Variants in BRCA1 observed in about 807,000 individuals in gnomAD.
The protein encoded by BRCA1 is breast cancer type 1 susceptibility protein.
BRCA1 carries 140 observed loss-of-function variants against 173.7 expected under a neutral mutation model. The ratio of observed to expected loss-of-function variants is 0.81; its 90% CI spans 0.70 to 0.93. The LOEUF is 0.93. BRCA1 is among the 40% of genes least tolerant of loss of function. The pLI, the probability that BRCA1 is intolerant of heterozygous loss-of-function variation, is 0.00. For missense variants in BRCA1, 1,983 were observed against 2,172.5 expected (o/e 0.91, Z 1.73); for synonymous variants, 662 against 756.0 (o/e 0.88, Z 2.04).
At position 43,093,007 on chromosome 17, in the gene BRCA1, C is replaced by A. The variant is rs876658552; in HGVS notation, c.2524G>T (p.Glu842Ter). ...CTTTCTTCCATTTCTATGCTTGTTT[C>A]CCGACTGTGGTTAACTTCATGTCCC... ...PLGHEVNHSR[E>*]TSIEMEESEL... Residue 842 changes from glutamate to a stop codon, truncating the protein, a stop_gained, in exon 10 of 23, where the codon GAA (glutamate) becomes TAA (stop). Transcript: ENST00000357654. LOFTEE classifies it high-confidence loss of function. 6.2e-7 allele frequency: 1 copy of A among 1,613,810 alleles called. No homozygotes were observed. The highest frequency in any genetic ancestry group is 1.3e-5 in the African/African-American group (1 of 75,048).
chr17:43,079,347 T>C (rs2052892864), intron 12 of BRCA1: 1 of 1,596,400 alleles, frequency 6.3e-7, no homozygotes, highest in Admixed American at 1.7e-5. Context: ...ATATATGTTC[T>C]CTAGGCCTTT....
intron 1 of BRCA1, among the ~76,000 whole-genome samples, chr17:43,152,928 G>A (rs181666206): frequency 2.2e-3 from 330 of 152,120 alleles, no homozygotes; most frequent in Middle Eastern, 0.014. Flanking sequence ...CCAGCTACTC[G>A]AGAGGCTGAG....
At chr17:43,098,166 A>C (rs1384870240) in intron 7 of BRCA1, among the ~76,000 whole-genome samples, 1 of 151,690 alleles carries the variant, frequency 6.6e-6, no homozygotes, top group Admixed American at 6.6e-5. Context: ...CTGGGACTAC[A>C]GATGCACACC....
At chr17:43,152,041 T>C (rs772604449) in intron 1 of BRCA1, among the ~76,000 whole-genome samples, 4 of 152,204 alleles carry the variant, frequency 2.6e-5, no homozygotes, top group Non-Finnish European at 5.9e-5. Context: ...TCTCCCCAGG[T>C]AGAAACTGGT....
intron 1 of BRCA1, chr17:43,170,039 G>A (rs933896697): frequency 2.1e-5 from 9 of 430,336 alleles, no homozygotes; most frequent in African/African-American, 1.8e-4. Flanking sequence ...GCAGAATGAG[G>A]GCAGAGTAGA....
upstream of BRCA1, among the ~76,000 whole-genome samples, chr17:43,128,018 C>A: frequency 9.8e-6 from 1 of 101,700 alleles, no homozygotes. Context: ...AGGGAGACTC[C>A]ATCTCAAAAA....
intron 4 of BRCA1, among the ~76,000 whole-genome samples, chr17:43,105,838 G>C (rs2054736952): frequency 6.6e-6 from 1 of 152,074 alleles, no homozygotes; most frequent in South Asian, 2.1e-4. Flanking sequence ...CATTGTGTTT[G>C]TGTAAATAAT....
At chr17:43,130,548 A>G (rs1418775597) in intron 1 of BRCA1, among the ~76,000 whole-genome samples, 2 of 152,162 alleles carry the variant, frequency 1.3e-5, no homozygotes, top group Admixed American at 6.5e-5. Flanking sequence ...TCCTGGACTC[A>G]AGCGATCTGC....
rs1296918233 is a variant in BRCA1, at chr17:43,050,957, C to T, written c.5332+106G>A. On this transcript the variant is annotated intron_variant, in intron 20 of 22. Transcript: ENST00000357654. ...TAGAGAAATAGAATAGCCTCTAGAA[C>T]ATTTCAGCAATCTGAGGAACCCCCA... The T allele has an allele frequency of 7.0e-6, 8 of 1,139,440 alleles. No individual in the cohort carries two copies. The Admixed American group carries it at 1.3e-4, about 18-fold the overall frequency. The allele number at this position is 1,139,440 out of a possible 1,614,324, so 70.6% of individuals were successfully genotyped here. A position where few individuals can be genotyped will look rare whatever the true frequency, so the allele number is the denominator to read the frequency against.
intron 1 of BRCA1, among the ~76,000 whole-genome samples, chr17:43,158,831 G>A: frequency 6.6e-6 from 1 of 152,212 alleles, no homozygotes; most frequent in East Asian, 1.9e-4. Flanking sequence ...AGGTCAGCTA[G>A]TAATAAGTGT....
At chr17:43,082,296 G>T in intron 12 of BRCA1, 108 bp downstream of exon 12, 3 of 1,248,600 alleles carry the variant, frequency 2.4e-6, no homozygotes, top group South Asian at 1.4e-5. Context: ...CCCATGTGCT[G>T]AGCAAGGATC....
chr17:43,152,200 C>T (rs932991220), intron 1 of BRCA1, among the ~76,000 whole-genome samples: 5 of 152,214 alleles, frequency 3.3e-5, no homozygotes, highest in Admixed American at 1.3e-4. Context: ...CTTTGCTCTA[C>T]TGAGCCACCA....
intron 19 of BRCA1, among the ~76,000 whole-genome samples, chr17:43,054,377 G>A (rs2051372688): frequency 6.6e-6 from 1 of 152,216 alleles, no homozygotes. Flanking sequence ...TTTTCCTTAG[G>A]AAATTACCTC....
chr17:43,159,285 C>T (rs1291163092), intron 1 of BRCA1: 5 of 172,668 alleles, frequency 2.9e-5, no homozygotes, highest in East Asian at 1.0e-4. Context: ...AATTATACCT[C>T]GATTCAAAAA....
rs1271328462 is a variant in BRCA1, at chr17:43,125,342, T to C, written c.-91A>G. ...GTTATCTGAGAAACCCCACAGCCTG[T>C]CCCCCGTCCAGGAAGTCTCAGCGAG... On this transcript the variant is annotated 5_prime_UTR_variant, in exon 1 of 23. Transcript: ENST00000357654. 9.0e-6 allele frequency: 4 copies of C among 442,398 alleles called. No individual in the cohort carries two copies. The highest frequency in any genetic ancestry group is 2.4e-5 in the Admixed American group (1 of 41,708). The allele number at this position is 442,398 out of a possible 1,614,324, so 27.4% of individuals were successfully genotyped here.
chr17:43,093,022 C>T lies in BRCA1; in HGVS notation c.2509G>A (p.Val837Ile), dbSNP rs2053747957. 6.2e-7 allele frequency: 1 copy of T among 1,613,850 alleles called. No homozygotes were observed. The highest frequency in any genetic ancestry group is 8.5e-7 in the Non-Finnish European group (1 of 1,179,992). ...ATGCTTGTTTCCCGACTGTGGTTAA[C>T]TTCATGTCCCAATGGATACTTAAAG... ...EGFKYPLGHE[V>I]NHSRETSIEM... is the part of the protein sequence containing the mutation. Residue 837 changes from valine (V) to isoleucine (I), a missense_variant, in exon 10 of 23, where the codon GTT (valine) becomes ATT (isoleucine). Val to Ile is a conservative substitution (Grantham distance 29). Transcript: ENST00000357654.
intron 6 of BRCA1, 93 bp from the exon 7 acceptor site, chr17:43,099,973 T>C (rs2054313612): frequency 2.4e-5 from 24 of 981,570 alleles, no homozygotes; most frequent in Non-Finnish European, 3.0e-5. Context: ...ACAAAATAAA[T>C]TGACCATCAT....
At chr17:43,142,996 ATATG>A (rs1452842736) in intron 1 of BRCA1, among the ~76,000 whole-genome samples, 1 of 149,504 alleles carries the variant, frequency 6.7e-6, no homozygotes, top group Non-Finnish European at 1.5e-5. Context: ...ATATATGTAT[ATATG>A]TATATATGTG....
chr17:43,137,421 TATAATA>T lies in BRCA1; in HGVS notation c.-19-13312_-19-13307del, dbSNP rs565005017. ...TGCACATGTACCCTAGACCTTAAAG[TATAATA>T]ATAATTAAAAAAAAAAAAAGAATAA... On this transcript the variant is annotated intron_variant, in intron 1 of 7. Coordinates refer to the BRCA1 transcript ENST00000634433. Among the ~76,000 whole-genome samples the T allele has an allele frequency of 2.9e-4, 43 of 147,144 alleles. No homozygotes were observed. The South Asian group carries it at 8.6e-3, about 29-fold the overall frequency.
Sources: allele counts gnomAD v4.1 joint callset (sites outside exome capture counted in the v4.1 genomes callset), GRCh38; gene constraint gnomAD v4.1.1; transcripts MANE v1.5; gene names NCBI Gene and HGNC (gene_info 2026-07-23, HGNC 2026-07-21).